Variants in ZRANB3 observed in about 807,000 individuals in gnomAD.
The protein encoded by ZRANB3 is DNA annealing helicase and endonuclease ZRANB3.
ZRANB3 carries 125 observed loss-of-function variants against 133.8 expected under a neutral mutation model. The ratio of observed to expected loss-of-function variants is 0.93; its 90% CI spans 0.81 to 1.08. The LOEUF is 1.08. Ranked by LOEUF, ZRANB3 falls within the 50% of genes least tolerant of loss-of-function variation. The pLI, the probability that ZRANB3 is intolerant of heterozygous loss-of-function variation, is 0.00. For synonymous variants in ZRANB3, 387 were observed against 432.7 expected, an observed-to-expected ratio of 0.89 and a Z score of 1.31; for missense variants, 1,229 against 1,275.5, an observed-to-expected ratio of 0.96 and a Z score of 0.56.
intron 6 of ZRANB3, among the ~76,000 whole-genome samples, chr2:135,336,713 TAAGA>T (rs972897484): frequency 4.6e-5 from 7 of 152,142 alleles, no homozygotes; most frequent in African/African-American, 1.7e-4. Flanking sequence ...AGGCATTAAG[TAAGA>T]AAGAGACAGG....
intron 8 of ZRANB3, among the ~76,000 whole-genome samples, chr2:135,292,981 T>A (rs951988475): frequency 6.6e-6 from 1 of 152,118 alleles, no homozygotes; most frequent in Non-Finnish European, 1.5e-5. Flanking sequence ...AGTACCATGC[T>A]GTTTTGGTTA....
chr2:135,339,095 T>C (rs1684508566), intron 6 of ZRANB3, among the ~76,000 whole-genome samples: 1 of 152,056 alleles, frequency 6.6e-6, no homozygotes, highest in African/African-American at 2.4e-5. Context: ...GGCAACATAC[T>C]GACACCCCGT....
At chr2:135,364,646 G>A (rs1278334878) in intron 3 of ZRANB3, among the ~76,000 whole-genome samples, 1 of 152,050 alleles carries the variant, frequency 6.6e-6, no homozygotes, top group African/African-American at 2.4e-5. Context: ...CTACTCAGGG[G>A]GGTTGAGGCA....
At chr2:135,529,402 A>G (rs1694301746) in intron 1 of ZRANB3, among the ~76,000 whole-genome samples, 1 of 152,188 alleles carries the variant, frequency 6.6e-6, no homozygotes, top group Non-Finnish European at 1.5e-5. Flanking sequence ...TAAGATTATT[A>G]GGCTGTGGGC....
intron 2 of ZRANB3, among the ~76,000 whole-genome samples, chr2:135,483,593 T>C (rs1397379047): frequency 6.6e-6 from 1 of 151,938 alleles, no homozygotes; most frequent in Non-Finnish European, 1.5e-5. Context: ...TTTTGAAGGG[T>C]TTTTGTGTCT....
At chr2:135,381,956 G>T (rs572642820) in intron 3 of ZRANB3, among the ~76,000 whole-genome samples, 1 of 152,192 alleles carries the variant, frequency 6.6e-6, no homozygotes, top group African/African-American at 2.4e-5. Context: ...CCAGAGGAAC[G>T]CAGCCCCTCA....
intron 8 of ZRANB3, among the ~76,000 whole-genome samples, chr2:135,302,820 G>A (rs572466047): frequency 3.3e-5 from 5 of 152,036 alleles, no homozygotes; most frequent in African/African-American, 9.7e-5. Flanking sequence ...CACTGCGCCC[G>A]GCCCCAACTA....
intron 2 of ZRANB3, among the ~76,000 whole-genome samples, chr2:135,407,381 A>T (rs1688089762): frequency 6.6e-6 from 1 of 152,048 alleles, no homozygotes; most frequent in Admixed American, 6.5e-5. Flanking sequence ...CAATATCGTG[A>T]AAATGGCCAT....
intron 2 of ZRANB3, among the ~76,000 whole-genome samples, chr2:135,447,229 G>T (rs1690062294): frequency 6.6e-6 from 1 of 151,980 alleles, no homozygotes; most frequent in Admixed American, 6.6e-5. Flanking sequence ...AGTAGAGATG[G>T]GGTTTCACCA....
intron 5 of ZRANB3, among the ~76,000 whole-genome samples, chr2:135,346,190 G>T (rs1449571371): frequency 6.6e-6 from 1 of 152,196 alleles, no homozygotes; most frequent in Non-Finnish European, 1.5e-5. Flanking sequence ...TCCGCCTCCA[G>T]AGTTCACGCC....
At chr2:135,231,402 C>T (rs1384114811) in intron 12 of ZRANB3, among the ~76,000 whole-genome samples, 1 of 152,058 alleles carries the variant, frequency 6.6e-6, no homozygotes, top group Non-Finnish European at 1.5e-5. Context: ...GCTTTCACAC[C>T]TAAAATATAA....
At chr2:135,309,106 A>C (rs965463620) in intron 8 of ZRANB3, among the ~76,000 whole-genome samples, 9 of 149,904 alleles carry the variant, frequency 6.0e-5, no homozygotes, top group African/African-American at 2.2e-4. Context: ...TCAGCCTCCC[A>C]TGTAGCTGGG....
intron 13 of ZRANB3, among the ~76,000 whole-genome samples, chr2:135,228,632 A>C (rs972384249): frequency 6.6e-5 from 10 of 152,198 alleles, no homozygotes; most frequent in African/African-American, 2.4e-4. Flanking sequence ...GTTGGAATCA[A>C]GATTTATTTG....
intron 6 of ZRANB3, among the ~76,000 whole-genome samples, chr2:135,342,605 C>T (rs773649306): frequency 1.3e-5 from 2 of 149,264 alleles, no homozygotes; most frequent in East Asian, 1.9e-4. Flanking sequence ...TCACTGTGCC[C>T]GTCTTTTTTC....
chr2:135,232,432 C>A (rs1433056335), intron 12 of ZRANB3, among the ~76,000 whole-genome samples: 3 of 152,208 alleles, frequency 2.0e-5, no homozygotes, highest in African/African-American at 7.2e-5. Flanking sequence ...TGTCTGACAG[C>A]TTTGAAGAGA....
At chr2:135,285,822 C>T (rs557442321) in intron 8 of ZRANB3, among the ~76,000 whole-genome samples, 10 of 152,276 alleles carry the variant, frequency 6.6e-5, no homozygotes, top group Middle Eastern at 3.4e-3. Context: ...CCATATGTAA[C>T]ACATGTAACT....
intron 12 of ZRANB3, among the ~76,000 whole-genome samples, chr2:135,262,159 C>CAAAAAAAAAAAAAAAAAAAAA (rs755264566): frequency 1.6e-5 from 1 of 63,968 alleles, no homozygotes; most frequent in African/African-American, 4.9e-5. Flanking sequence ...ACTCCATCTC[C>CAAAAAAAAAAAAAAAAAAAAA]AAAAAAAAAA....
At chr2:135,519,778 G>C (rs966305284) in intron 1 of ZRANB3, among the ~76,000 whole-genome samples, 1 of 152,124 alleles carries the variant, frequency 6.6e-6, no homozygotes, top group African/African-American at 2.4e-5. Flanking sequence ...ATTACATGCA[G>C]TTCTGAAGAA....
At chr2:135,352,625 C>A (rs1054054120) in intron 4 of ZRANB3, among the ~76,000 whole-genome samples, 5 of 152,092 alleles carry the variant, frequency 3.3e-5, no homozygotes, top group Non-Finnish European at 7.4e-5. Flanking sequence ...GTGTTTCCTC[C>A]TTCCACATTC....
Sources: gnomAD v4.1 joint callset for allele counts (sites outside exome capture counted in the v4.1 genomes callset) on GRCh38, gnomAD v4.1.1 for gene constraint, MANE v1.5 for transcripts, NCBI Gene and HGNC (gene_info 2026-07-23, HGNC 2026-07-21) for gene names.